ARB2A: variants seen among roughly 807,000 people sequenced by gnomAD.
ARB2A encodes ARB2 cotranscriptional regulator A, also known as cotranscriptional regulator ARB2A.
the ARB2A span, among the ~76,000 whole-genome samples, chr5:93,836,889 CA>C: frequency 7.3e-5 from 11 of 151,688 alleles, no homozygotes; most frequent in East Asian, 1.9e-4. Flanking sequence ...TGAAAATAGA[CA>C]AAAAAAAGTC....
chr5:93,743,189 TCAGAAAATTGGCTGC>T, the ARB2A span: 1 of 152,288 alleles, frequency 6.6e-6, no homozygotes, highest in African/African-American at 2.4e-5. Context: ...GGAAAAAGAA[TCAGAAAATTGGCTGC>T]CATCGCTACA....
At chr5:94,096,646 C>T in the ARB2A span, among the ~76,000 whole-genome samples, 11 of 151,940 alleles carry the variant, frequency 7.2e-5, no homozygotes, top group Non-Finnish European at 1.5e-4. Context: ...TCAATCTAGA[C>T]GATGATTAAA....
the ARB2A span, among the ~76,000 whole-genome samples, chr5:93,765,840 A>C: frequency 6.6e-6 from 1 of 152,158 alleles, no homozygotes; most frequent in Non-Finnish European, 1.5e-5. Context: ...CAAAACAGAG[A>C]TATAGACCAA....
At chr5:94,092,986 T>C in the ARB2A span, among the ~76,000 whole-genome samples, 1 of 152,180 alleles carries the variant, frequency 6.6e-6, no homozygotes, top group Non-Finnish European at 1.5e-5. Flanking sequence ...TTTCTAAATA[T>C]AGGGGGAAAA....
the ARB2A span, among the ~76,000 whole-genome samples, chr5:94,007,529 T>G: frequency 6.6e-6 from 1 of 152,096 alleles, no homozygotes; most frequent in Non-Finnish European, 1.5e-5. Context: ...TCCTAGCACT[T>G]TGGGAGGCCA....
the ARB2A span, among the ~76,000 whole-genome samples, chr5:93,627,813 G>A: frequency 2.0e-5 from 3 of 152,124 alleles, no homozygotes; most frequent in African/African-American, 7.2e-5. Context: ...CAGAACGAAT[G>A]TTGTGTTAGC....
At chr5:94,004,129 C>T in the ARB2A span, among the ~76,000 whole-genome samples, 2 of 152,124 alleles carry the variant, frequency 1.3e-5, no homozygotes, top group Non-Finnish European at 1.5e-5. Context: ...AGCAACTGGA[C>T]AGCCATAAAC....
the ARB2A span, among the ~76,000 whole-genome samples, chr5:93,757,246 T>C: frequency 6.6e-6 from 1 of 152,086 alleles, no homozygotes; most frequent in Non-Finnish European, 1.5e-5. Flanking sequence ...TGACCAAGCA[T>C]GAGAATAATT....
chr5:93,635,749 T>C, the ARB2A span, among the ~76,000 whole-genome samples: 1 of 152,168 alleles, frequency 6.6e-6, no homozygotes, highest in African/African-American at 2.4e-5. Flanking sequence ...TAGTTTATAT[T>C]AACTTATCGT....
the ARB2A span, among the ~76,000 whole-genome samples, chr5:93,752,677 C>T: frequency 6.6e-6 from 1 of 151,894 alleles, no homozygotes; most frequent in African/African-American, 2.4e-5. Flanking sequence ...TATATATACT[C>T]AGGGCAAATG....
the ARB2A span, chr5:93,881,608 T>C: frequency 1.2e-6 from 2 of 1,610,692 alleles, no homozygotes; most frequent in South Asian, 2.2e-5. Flanking sequence ...AACTATCAGA[T>C]GATGACTGTA....
the ARB2A span, among the ~76,000 whole-genome samples, chr5:94,070,128 A>C: frequency 6.6e-6 from 1 of 152,044 alleles, no homozygotes; most frequent in Non-Finnish European, 1.5e-5. Context: ...ATATATATAT[A>C]CAAAAAGGAA....
the ARB2A span, among the ~76,000 whole-genome samples, chr5:93,691,813 G>C: frequency 6.6e-6 from 1 of 152,138 alleles, no homozygotes; most frequent in Admixed American, 6.5e-5. Context: ...GCCCATCAGA[G>C]TAACAGTGAA....
chr5:93,943,791 T>C, the ARB2A span, among the ~76,000 whole-genome samples: 1 of 152,170 alleles, frequency 6.6e-6, no homozygotes. Flanking sequence ...CCATCTATAA[T>C]GGCTCCATGC....
the ARB2A span, among the ~76,000 whole-genome samples, chr5:93,659,447 T>C: frequency 1.3e-5 from 2 of 152,200 alleles, no homozygotes; most frequent in South Asian, 4.1e-4. Flanking sequence ...GGCAATACCA[T>C]AATACAGTGT....
the ARB2A span, among the ~76,000 whole-genome samples, chr5:93,858,553 T>C: frequency 1.3e-5 from 2 of 152,242 alleles, no homozygotes; most frequent in Non-Finnish European, 2.9e-5. Context: ...CCTTTAGCCT[T>C]TATCTAATCA....
the ARB2A span, among the ~76,000 whole-genome samples, chr5:94,085,681 G>T: frequency 6.6e-6 from 1 of 152,136 alleles, no homozygotes; most frequent in African/African-American, 2.4e-5. Flanking sequence ...AAGAAGCAAA[G>T]ATCACTGGGG....
chr5:93,797,222 C>T, the ARB2A span, among the ~76,000 whole-genome samples: 4 of 152,076 alleles, frequency 2.6e-5, no homozygotes, highest in African/African-American at 7.2e-5. Context: ...ACTGAGGAAG[C>T]GTTTATGTGT....
At chr5:94,022,515 GAA>G in the ARB2A span, among the ~76,000 whole-genome samples, 1 of 152,124 alleles carries the variant, frequency 6.6e-6, no homozygotes, top group African/African-American at 2.4e-5. Flanking sequence ...GGTGTGACAG[GAA>G]AAGACATTTA....
Sources: allele counts gnomAD v4.1 joint callset (sites outside exome capture counted in the v4.1 genomes callset), GRCh38; gene constraint gnomAD v4.1.1; transcripts MANE v1.5; gene names NCBI Gene and HGNC (gene_info 2026-07-23, HGNC 2026-07-21).